Variants in NFIA observed in about 807,000 individuals in gnomAD.
NFIA encodes the protein nuclear factor I A, also known as nuclear factor 1 A-type.
A neutral mutation model predicts 62.8 loss-of-function variants in NFIA; 8 were observed. The observed-to-expected ratio is 0.13, with a 90% confidence interval of 0.07 to 0.23. NFIA has a LOEUF of 0.23. Ranked by LOEUF, NFIA falls within the 10% of genes least tolerant of loss-of-function variation. NFIA has a pLI of 1.00. For synonymous variants in NFIA, 235 were observed against 238.1 expected, an observed-to-expected ratio of 0.99 and a Z score of 0.12; for missense variants, 410 against 642.1, an observed-to-expected ratio of 0.64 and a Z score of 3.91.
chr1:61,106,362 T>C (rs1646600227), intron 2 of NFIA, among the ~76,000 whole-genome samples: 1 of 151,832 alleles, frequency 6.6e-6, no homozygotes, highest in Non-Finnish European at 1.5e-5. Context: ...TTTGGATAGC[T>C]GTTGTTTGAG....
intron 7 of NFIA, among the ~76,000 whole-genome samples, chr1:61,386,561 A>G (rs1664697594): frequency 6.6e-6 from 1 of 152,166 alleles, no homozygotes; most frequent in African/African-American, 2.4e-5. Flanking sequence ...TAACTGTCCA[A>G]CACACATCCA....
At chr1:61,413,265 A>G (rs1666186090) in intron 9 of NFIA, among the ~76,000 whole-genome samples, 1 of 152,212 alleles carries the variant, frequency 6.6e-6, no homozygotes. Context: ...TCGTTAGCCA[A>G]GAACCTAACA....
intron 2 of NFIA, among the ~76,000 whole-genome samples, chr1:61,270,730 A>C (rs920580886): frequency 3.9e-5 from 6 of 152,218 alleles, no homozygotes; most frequent in African/African-American, 1.4e-4. Context: ...GAAATTAAGC[A>C]CAATTCTGCT....
At chr1:61,272,146 G>A (rs1295444785) in intron 2 of NFIA, among the ~76,000 whole-genome samples, 1 of 152,076 alleles carries the variant, frequency 6.6e-6, no homozygotes, top group Non-Finnish European at 1.5e-5. Context: ...ACAGATTTCT[G>A]TTTGTTCTTA....
At position 61,414,062 on chromosome 1, in the gene NFIA, A is replaced by G. The variant is rs1199810789; in HGVS notation, c.1420+7335A>G. Reference sequence around the variant, plus strand: ...CAGTGGCGCAATCTCAGCTCACTGCAATCTCCATCTTTCTGGTTCAAGTGA... The same window carrying G: ...CAGTGGCGCAATCTCAGCTCACTGCGATCTCCATCTTTCTGGTTCAAGTGA... On this transcript the variant is annotated intron_variant, in intron 9 of 10. Coordinates refer to ENST00000403491, the MANE Select transcript of NFIA (RefSeq NM_001134673.4). Among the ~76,000 whole-genome samples the G allele has an allele frequency of 7.9e-5, 12 of 151,908 alleles. No homozygotes were observed. In the East Asian group the frequency reaches 2.3e-3, roughly 29 times the overall value.
At chr1:61,411,938 C>T (rs989516858) in intron 9 of NFIA, among the ~76,000 whole-genome samples, 5 of 151,770 alleles carry the variant, frequency 3.3e-5, no homozygotes, top group African/African-American at 1.2e-4. Context: ...AGTGAGGATG[C>T]ATTTGGGACC....
intron 2 of NFIA, among the ~76,000 whole-genome samples, chr1:61,235,821 A>G (rs1255260328): frequency 6.6e-6 from 1 of 151,882 alleles, no homozygotes; most frequent in East Asian, 1.9e-4. Flanking sequence ...TCAAAAAAAA[A>G]AAAAAGAAAA....
At chr1:61,376,030 C>G (rs763866732) in intron 6 of NFIA, among the ~76,000 whole-genome samples, 3 of 152,174 alleles carry the variant, frequency 2.0e-5, no homozygotes, top group African/African-American at 4.8e-5. Flanking sequence ...TACGTGATCT[C>G]TCAGTGGCAT....
intron 2 of NFIA, among the ~76,000 whole-genome samples, chr1:61,145,309 A>G (rs1439145704): frequency 1.3e-5 from 2 of 152,212 alleles, no homozygotes; most frequent in Non-Finnish European, 2.9e-5. Flanking sequence ...TTTCTATTGC[A>G]TATTGGACTT....
At chr1:61,083,214 G>C (rs1646149443) in intron 1 of NFIA, among the ~76,000 whole-genome samples, 1 of 152,078 alleles carries the variant, frequency 6.6e-6, no homozygotes, top group Non-Finnish European at 1.5e-5. Context: ...CGTTTCTGCT[G>C]CCGGGAGCAG....
At chr1:61,402,090 T>C (rs1665592970) in intron 7 of NFIA, among the ~76,000 whole-genome samples, 1 of 137,402 alleles carries the variant, frequency 7.3e-6, no homozygotes, top group Non-Finnish European at 1.5e-5. Flanking sequence ...CAGGCTAGAG[T>C]GCAGTGGCGC....
chr1:61,383,092 T>C (rs898117461), intron 6 of NFIA, 145 bp from the exon 7 acceptor site: 2 of 1,011,472 alleles, frequency 2.0e-6, no homozygotes, highest in African/African-American at 3.2e-5. Flanking sequence ...CTGTGACAAA[T>C]GCAAAGCAAT....
chr1:61,231,713 C>G (rs561500165), intron 2 of NFIA, among the ~76,000 whole-genome samples: 1 of 151,916 alleles, frequency 6.6e-6, no homozygotes, highest in Non-Finnish European at 1.5e-5. Context: ...GCCTATAGTC[C>G]CAGCTACTCA....
At chr1:61,245,708 A>T (rs567642071) in intron 2 of NFIA, among the ~76,000 whole-genome samples, 27 of 152,116 alleles carry the variant, frequency 1.8e-4, no homozygotes, top group East Asian at 7.7e-4. Context: ...TGTTTTTTTT[A>T]AAACTTTGGA....
At chr1:61,196,444 A>G (rs1242597138) in intron 2 of NFIA, among the ~76,000 whole-genome samples, 2 of 151,998 alleles carry the variant, frequency 1.3e-5, no homozygotes, top group African/African-American at 4.8e-5. Flanking sequence ...TTGATAATAT[A>G]TTTTCTTTTA....
chr1:61,209,533 G>A (rs751153841), intron 2 of NFIA, among the ~76,000 whole-genome samples: 1 of 151,898 alleles, frequency 6.6e-6, no homozygotes, highest in African/African-American at 2.4e-5. Context: ...AAAGTAATAC[G>A]AGGCCAGGCA....
At position 61,459,428 on chromosome 1, in the gene NFIA, A is replaced by G. The variant is rs1668443299; in HGVS notation, c.*4108A>G. ...GCGCAGAGGGCCTCCCAGTAATGCC[A>G]CGCTCTCCATGCTAGAGAGCCTTCT... On this transcript the variant is annotated 3_prime_UTR_variant, in exon 11 of 11. Transcript: ENST00000403491. 1 of 152,224 alleles carries G rather than the reference A, an allele frequency of 6.6e-6. No individual in the cohort carries two copies. 9.4% of individuals were successfully genotyped at this position (152,224 alleles called of 1,614,324 possible). A position where few individuals can be genotyped will look rare whatever the true frequency, so the allele number is the denominator to read the frequency against.
chr1:61,086,072 G>A (rs897075776), intron 1 of NFIA, among the ~76,000 whole-genome samples: 5 of 152,042 alleles, frequency 3.3e-5, no homozygotes. Context: ...TGAATCGTTT[G>A]GAGCTAAGTT....
chr1:61,174,081 T>G (rs747753590), intron 2 of NFIA, among the ~76,000 whole-genome samples: 28 of 152,192 alleles, frequency 1.8e-4, no homozygotes, highest in Non-Finnish European at 3.5e-4. Flanking sequence ...CTGTAAGCAC[T>G]GTTTGTTATC....
Sources: gnomAD v4.1 joint callset for allele counts (sites outside exome capture counted in the v4.1 genomes callset) on GRCh38, gnomAD v4.1.1 for gene constraint, MANE v1.5 for transcripts, NCBI Gene and HGNC (gene_info 2026-07-23, HGNC 2026-07-21) for gene names.